Variants in ATP6V1E2 observed in about 807,000 individuals in gnomAD.
The protein encoded by ATP6V1E2 is ATPase H+ transporting V1 subunit E2, also known as V-type proton ATPase subunit E 2.
For synonymous variants in ATP6V1E2, 121 were observed against 104.2 expected, an observed-to-expected ratio of 1.16 and a Z score of -0.98; for missense variants, 308 against 273.3, an observed-to-expected ratio of 1.13 and a Z score of -0.90.
Position 46,511,900 on chromosome 2 carries a change from G to C in ATP6V1E2, c.*131C>G, listed in dbSNP as rs568424996. 1.0e-5 allele frequency: 8 copies of C among 793,398 alleles called. No individual in the cohort carries two copies. Among genetic ancestry groups the C allele is most frequent in the Non-Finnish European group, 1.5e-5 (8 of 526,076 alleles). The allele number at this position is 793,398 out of a possible 1,614,324, so 49.1% of individuals were successfully genotyped here. A position where few individuals can be genotyped will look rare whatever the true frequency, so the allele number is the denominator to read the frequency against. ...AAAGTTAACACTTTAGCTATCCAAA[G>C]GGTATTTCGTGAAGAAAAACAGAAC... On this transcript the variant is annotated 3_prime_UTR_variant, in exon 5 of 5. Transcript: ENST00000522587.
At position 46,535,037 on chromosome 2, in the gene ATP6V1E2, TCTC is replaced by T. The variant is rs1667376688; in HGVS notation, c.-102+773_-102+775del. Reference sequence around the variant, plus strand: ...CTGCCTTGAAAAGTCTGCTCAACTATCTCCTCAACTCAGCAAGACCACTATGCT... The same window carrying T: ...CTGCCTTGAAAAGTCTGCTCAACTATCTCAACTCAGCAAGACCACTATGCT... On this transcript the variant is annotated intron_variant, in intron 4 of 4. Transcript: ENST00000522587. The surrounding 1 kb of genome is among the most constrained non-coding windows in gnomAD (Gnocchi z 4.4). 6.6e-6 allele frequency: 1 copy of T among 152,154 alleles called. No homozygotes were observed. The highest frequency in any genetic ancestry group is 1.5e-5 in the Non-Finnish European group (1 of 68,034). The allele number at this position is 152,154 out of a possible 1,614,324, so 9.4% of individuals were successfully genotyped here.
intron 4 of ATP6V1E2, among the ~76,000 whole-genome samples, chr2:46,517,746 T>C (rs1390576289): frequency 6.6e-6 from 1 of 152,152 alleles, no homozygotes; most frequent in Non-Finnish European, 1.5e-5. Context: ...CATCATGTGC[T>C]CAACATCAAT....
intron 4 of ATP6V1E2, among the ~76,000 whole-genome samples, chr2:46,527,050 TTTTG>T (rs761132357): frequency 3.3e-5 from 5 of 152,034 alleles, no homozygotes; most frequent in African/African-American, 4.8e-5. Flanking sequence ...TGTTTTCTGG[TTTTG>T]TTTTTGTTTT....
intron 4 of ATP6V1E2, among the ~76,000 whole-genome samples, chr2:46,529,394 G>A (rs958041391): frequency 2.0e-5 from 3 of 152,224 alleles, no homozygotes; most frequent in Non-Finnish European, 2.9e-5. Flanking sequence ...TTGGGAAGAG[G>A]ACTATTTCTG....
At chr2:46,532,159 T>A (rs903223070) in intron 4 of ATP6V1E2, among the ~76,000 whole-genome samples, 3 of 152,176 alleles carry the variant, frequency 2.0e-5, no homozygotes, top group Non-Finnish European at 2.9e-5. Flanking sequence ...TGTCTTTTGG[T>A]TGTCAATTCA....
At chr2:46,529,860 A>G (rs773976369) in intron 4 of ATP6V1E2, among the ~76,000 whole-genome samples, 1 of 152,140 alleles carries the variant, frequency 6.6e-6, no homozygotes, top group Non-Finnish European at 1.5e-5. Flanking sequence ...ACTCTCAACA[A>G]TCTTAGGAAT....
chr2:46,512,588 T>G lies in ATP6V1E2; in HGVS notation c.124A>C (p.Lys42Gln), dbSNP rs147004858. 225 of 1,614,246 alleles carry G rather than the reference T, an allele frequency of 1.4e-4. 1 individual carries two copies. The East Asian group carries it at 3.8e-3, about 27-fold the overall frequency. Residue 42 changes from lysine to glutamine, a missense_variant, in exon 5 of 5, where the codon AAA (lysine) becomes CAA (glutamine). By Grantham distance (53) the Lys-to-Gln change is moderately conservative. Transcript: ENST00000522587. ...CGTTGGGTTTGCACGAGGCGTCCTT[T>G]CTCAATGTTAAACTCTTCCTCAGCC... ...AKAEEEFNIE[K>Q]GRLVQTQRLK... is the part of the protein sequence containing the mutation.
At chr2:46,540,691 C>T (rs961974146) in intron 2 of ATP6V1E2, among the ~76,000 whole-genome samples, 2 of 136,166 alleles carry the variant, frequency 1.5e-5, no homozygotes, top group Non-Finnish European at 3.1e-5. Context: ...GTTTCTGTTG[C>T]GGTCTGATTG....
Position 46,535,815 on chromosome 2 carries a change from T to C in ATP6V1E2, c.-104A>G, listed in dbSNP as rs557906064. 2 of 152,350 alleles carry C rather than the reference T, an allele frequency of 1.3e-5. No homozygotes were observed. The highest frequency in any genetic ancestry group is 1.9e-4 in the East Asian group (1 of 5,194). 9.4% of individuals were successfully genotyped at this position (152,350 alleles called of 1,614,324 possible). ...CTTTTCTTCCCACCAAGGCTCACCA[T>C]GTAGAAGATTCTTCAAACCCAAAAT... On this transcript the variant is annotated splice_region_variant and 5_prime_UTR_variant, in exon 4 of 5. An upstream start codon of the reference 5' UTR is lost. Coordinates refer to ENST00000522587, the MANE Select transcript of ATP6V1E2 (RefSeq NM_001318063.2). This position sits in a 1 kb window ranked among gnomAD's most constrained non-coding sequence, Gnocchi z 4.4.
chr2:46,512,962 G>A (rs1256144116), intron 4 of ATP6V1E2, 150 bp from the exon 5 acceptor site: 1 of 436,044 alleles, frequency 2.3e-6, no homozygotes, highest in East Asian at 4.1e-5. Context: ...CTAGAAGAAT[G>A]AGACTTGAAC....
At position 46,535,345 on chromosome 2, in the gene ATP6V1E2, A is replaced by G. The variant is rs1192203654; in HGVS notation, c.-102+468T>C. 6.6e-6 allele frequency: 1 copy of G among 152,182 alleles called. No individual in the cohort carries two copies. The highest frequency in any genetic ancestry group is 6.6e-5 in the Admixed American group (1 of 15,264). 9.4% of individuals were successfully genotyped at this position (152,182 alleles called of 1,614,324 possible). The stretch of plus-strand genomic sequence containing the variant: ...CATTAATAAAGTGATCTGCTTCTCC[A>G]GTCTCTTCTCAGGAGCCTGGGTTGC... On this transcript the variant is annotated intron_variant, in intron 4 of 4. Coordinates refer to ENST00000522587, the MANE Select transcript of ATP6V1E2 (RefSeq NM_001318063.2). This position sits in a 1 kb window ranked among gnomAD's most constrained non-coding sequence, Gnocchi z 4.4.
intron 3 of ATP6V1E2, among the ~76,000 whole-genome samples, chr2:46,536,175 C>A (rs935475295): frequency 1.3e-5 from 2 of 152,178 alleles, no homozygotes; most frequent in South Asian, 2.1e-4. Context: ...ACATTAAGAG[C>A]GCTTGAGCCG....
At position 46,512,586 on chromosome 2, in the gene ATP6V1E2, T is replaced by C. The variant is rs1271015569; in HGVS notation, c.126A>G (p.Lys42=). ...AKAEEEFNIE[K]GRLVQTQRLK... ...GTCGTTGGGTTTGCACGAGGCGTCC[T>C]TTCTCAATGTTAAACTCTTCCTCAG... The change falls in exon 5 of 5, where the codon AAA becomes AAG. Residue 42 remains lysine, a synonymous_variant. Transcript: ENST00000522587. 6.2e-7 allele frequency: 1 copy of C among 1,614,228 alleles called. No homozygotes were observed. The highest frequency in any genetic ancestry group is 1.1e-5 in the South Asian group (1 of 91,084).
intron 4 of ATP6V1E2, among the ~76,000 whole-genome samples, chr2:46,524,851 A>G (rs1666814567): frequency 6.6e-6 from 1 of 152,142 alleles, no homozygotes; most frequent in African/African-American, 2.4e-5. Flanking sequence ...GTCTAGAAAG[A>G]CACTGGGGTG....
At position 46,512,114 on chromosome 2, in the gene ATP6V1E2, G is replaced by T; in HGVS notation, c.598C>A (p.Leu200Met). ...ATCTTTTGCTTGGCTGAGAGATCCA[G>T]TCGGCTTTCCAAGGTATTTGAAACC... Reference protein sequence around the residue: ...IKVSNTLESRLDLSAKQKMPE... With the variant: ...IKVSNTLESRMDLSAKQKMPE... Residue 200 changes from leucine to methionine, a missense_variant, in exon 5 of 5, where the codon CTG (leucine) becomes ATG (methionine). Coordinates refer to ENST00000522587, the MANE Select transcript of ATP6V1E2 (RefSeq NM_001318063.2). 1 of 1,614,172 alleles carries T rather than the reference G, an allele frequency of 6.2e-7. No individual in the cohort carries two copies. Among genetic ancestry groups the T allele is most frequent in the Non-Finnish European group, 8.5e-7 (1 of 1,180,026 alleles).
At chr2:46,540,641 A>T (rs1164287584) in intron 2 of ATP6V1E2, among the ~76,000 whole-genome samples, 29 of 53,632 alleles carry the variant, frequency 5.4e-4, no homozygotes, top group South Asian at 1.4e-3. Flanking sequence ...TTTTTTTTTT[A>T]CCACTTGGAC....
intron 4 of ATP6V1E2, among the ~76,000 whole-genome samples, chr2:46,515,170 A>C (rs1271648418): frequency 1.3e-5 from 2 of 152,226 alleles, no homozygotes; most frequent in Non-Finnish European, 2.9e-5. Context: ...GCCACTAGAC[A>C]GCATATGAAA....
intron 4 of ATP6V1E2, among the ~76,000 whole-genome samples, chr2:46,515,245 T>C (rs1031844015): frequency 6.6e-6 from 1 of 152,208 alleles, no homozygotes; most frequent in African/African-American, 2.4e-5. Context: ...ACTGTAATGG[T>C]GATATGTAAA....
chr2:46,537,937 AAAG>A (rs950154915), intron 2 of ATP6V1E2, among the ~76,000 whole-genome samples: 2 of 152,234 alleles, frequency 1.3e-5, no homozygotes, highest in Admixed American at 1.3e-4. Flanking sequence ...GAAGAAGTCC[AAAG>A]AAGAAGTGGG....
Sources: allele counts gnomAD v4.1 joint callset (sites outside exome capture counted in the v4.1 genomes callset), GRCh38; gene constraint gnomAD v4.1.1; non-coding constraint Gnocchi (gnomAD v3.1); transcripts MANE v1.5; gene names NCBI Gene and HGNC (gene_info 2026-07-23, HGNC 2026-07-21).